MAP3K11: variants seen among roughly 807,000 people sequenced by gnomAD.
The protein encoded by MAP3K11 is mitogen-activated protein kinase kinase kinase 11.
MAP3K11 carries 46 observed loss-of-function variants against 84.9 expected under a neutral mutation model. That is an observed-to-expected ratio of 0.54 (90% CI 0.43 to 0.69). MAP3K11 has a LOEUF of 0.69. Among genes scored for constraint, MAP3K11 ranks in the 30% least tolerant of loss-of-function variants. The probability of loss-of-function intolerance (pLI) is 0.00; values close to 1 mark genes in which losing one functional copy is unlikely to be tolerated. For synonymous variants in MAP3K11, 527 were observed against 514.7 expected (o/e 1.02, Z -0.32); for missense variants, 1,053 against 1,198.3 (o/e 0.88, Z 1.79).
At chr11:65,600,929 C>T (rs1461631815) in intron 8 of MAP3K11, among the ~76,000 whole-genome samples, 1 of 152,214 alleles carries the variant, frequency 6.6e-6, no homozygotes, top group Non-Finnish European at 1.5e-5. Flanking sequence ...TCAGCCCCAA[C>T]CCTTACTCAG....
At position 65,613,847 on chromosome 11, in the gene MAP3K11, A is replaced by ACCTGGGCATCCGGGC; in HGVS notation, c.-106_-92dup. The ACCTGGGCATCCGGGC allele has an allele frequency of 7.2e-7, 1 of 1,383,212 alleles. No homozygotes were observed. Among genetic ancestry groups the ACCTGGGCATCCGGGC allele is most frequent in the South Asian group, 1.5e-5 (1 of 67,322 alleles). 85.7% of individuals were successfully genotyped at this position (1,383,212 alleles called of 1,614,324 possible). A position where few individuals can be genotyped will look rare whatever the true frequency, so the allele number is the denominator to read the frequency against. ...TGGCTGCCAAGGCCCTAGTCCCGGA[A>ACCTGGGCATCCGGGC]CCTGGGCATCCGGGCCCTGGCCCTC... On this transcript the variant is annotated 5_prime_UTR_variant, in exon 1 of 10. The change creates a new upstream start codon in the 5' untranslated region. Coordinates refer to ENST00000309100, the MANE Select transcript of MAP3K11 (RefSeq NM_002419.4).
At position 65,613,348 on chromosome 11, in the gene MAP3K11, G is replaced by A. The variant is rs1434610251; in HGVS notation, c.409C>T (p.Arg137Ter). The A allele has an allele frequency of 1.2e-6, 2 of 1,612,958 alleles. No homozygotes were observed. Among genetic ancestry groups the A allele is most frequent in the East Asian group, 2.2e-5 (1 of 44,868 alleles). Residue 137 changes from arginine to a stop codon, truncating the protein, a stop_gained, in exon 1 of 10, where the codon CGA (arginine) becomes TGA (stop). Coordinates refer to ENST00000309100, the MANE Select transcript of MAP3K11 (RefSeq NM_002419.4). LOFTEE classifies it high-confidence loss of function. ...GFGKVYRGSW[R>*]GELVAVKAAR... ...GCCTTCACAGCCACCAGCTCACCTC[G>A]CCAGCTGCCCCTGTACACCTTGCCA... is the stretch of plus-strand genomic sequence containing the variant.
In MAP3K11 at chr11:65,613,470, G is replaced by A. The variant is rs763812821; in HGVS notation, c.287C>T (p.Pro96Leu). The change falls in exon 1 of 10, where the codon CCG (proline) becomes CTG (leucine). Residue 96 changes from proline to leucine, a missense_variant. Transcript: ENST00000309100. ...GCCACCCCGAGACACATAGTTGGAC[G>A]GGAAGATGCCCACCTGGCCACCCAC... ...GQVGGQVGIF[P>L]SNYVSRGGGP... is the part of the protein sequence containing the mutation. 2.0e-5 allele frequency: 32 copies of A among 1,612,066 alleles called. No homozygotes were observed. Among genetic ancestry groups the A allele is most frequent in the Non-Finnish European group, 2.4e-5 (28 of 1,179,310 alleles).
chr11:65,608,637 G>C lies in MAP3K11; in HGVS notation c.740-189C>G, dbSNP rs1854540316. The stretch of plus-strand genomic sequence containing the variant: ...TCTTTTCCTTTTTTTTTTTTCTTAA[G>C]ATAGAGTTTTGCTCTTGTTGCCCAG... On this transcript the variant is annotated intron_variant, in intron 1 of 9. Coordinates refer to ENST00000309100, the MANE Select transcript of MAP3K11 (RefSeq NM_002419.4). 3 of 581,274 alleles carry C rather than the reference G, an allele frequency of 5.2e-6. No individual in the cohort carries two copies. In the South Asian group the frequency reaches 6.4e-5, roughly 12 times the overall value. The allele number at this position is 581,274 out of a possible 1,614,324, so 36.0% of individuals were successfully genotyped here.
Position 65,598,180 on chromosome 11 carries a change from G to T in MAP3K11, c.*111C>A. On this transcript the variant is annotated 3_prime_UTR_variant, in exon 10 of 10. Transcript: ENST00000309100. ...GTGTTCCTGACCCCCAAAGGGGGGT[G>T]GGGTCCCTGGGGAAACTGAGGCAGC... is the stretch of plus-strand genomic sequence containing the variant. The T allele has an allele frequency of 1.1e-6, 1 of 910,748 alleles. No individual in the cohort carries two copies. The allele number at this position is 910,748 out of a possible 1,614,324, so 56.4% of individuals were successfully genotyped here.
intron 7 of MAP3K11, 39 bp downstream of exon 7, chr11:65,605,907 G>A: frequency 6.2e-7 from 1 of 1,611,064 alleles, no homozygotes; most frequent in Non-Finnish European, 8.5e-7. Context: ...CTTGGGGAAA[G>A]CAAATGATGC....
intron 6 of MAP3K11, 61 bp downstream of exon 6, chr11:65,606,630 G>T: frequency 7.9e-7 from 1 of 1,267,266 alleles, no homozygotes; most frequent in Non-Finnish European, 1.1e-6. Context: ...CCAAGAATAA[G>T]GTCTGACAGA....
intron 1 of MAP3K11, 27 bp downstream of exon 1, chr11:65,612,991 C>T: frequency 6.6e-7 from 1 of 1,516,466 alleles, no homozygotes; most frequent in South Asian, 1.3e-5. Flanking sequence ...AGCCATGCCA[C>T]CCCCAACCAT....
chr11:65,613,135 G>A lies in MAP3K11; in HGVS notation c.622C>T (p.Arg208Trp), dbSNP rs890154327. The A allele has an allele frequency of 4.4e-6, 7 of 1,589,424 alleles. No individual in the cohort carries two copies. The highest frequency in any genetic ancestry group is 4.3e-6 in the Non-Finnish European group (5 of 1,167,456). The part of the protein sequence containing the change: ...GGPLSRALAG[R>W]RVPPHVLVNW... The stretch of plus-strand genomic sequence containing the variant: ...ACCAGCACATGGGGAGGCACGCGCC[G>A]CCCGGCCAGAGCTCGGCTGAGGGGC... Residue 208 changes from arginine to tryptophan, a missense_variant, in exon 1 of 10, where the codon CGG (arginine) becomes TGG (tryptophan). Physicochemically the swap from Arg to Trp is moderately radical, Grantham distance 101. Transcript: ENST00000309100.
chr11:65,598,002 C>T lies in MAP3K11; in HGVS notation c.*289G>A, dbSNP rs146831477. 13 of 342,754 alleles carry T rather than the reference C, an allele frequency of 3.8e-5. No homozygotes were observed. Among genetic ancestry groups the T allele is most frequent in the Non-Finnish European group, 6.3e-5 (12 of 189,754 alleles). 21.2% of individuals were successfully genotyped at this position (342,754 alleles called of 1,614,324 possible). On this transcript the variant is annotated 3_prime_UTR_variant, in exon 10 of 10. Coordinates refer to ENST00000309100, the MANE Select transcript of MAP3K11 (RefSeq NM_002419.4). ...ACCTCCCCTCCTCCCTGCATCACCC[C>T]AGCAGGCAATTCCCTGAGACAGGCT...
At position 65,598,434 on chromosome 11, in the gene MAP3K11, C is replaced by T; in HGVS notation, c.2401G>A (p.Ala801Thr). 6.2e-7 allele frequency: 1 copy of T among 1,605,886 alleles called. No individual in the cohort carries two copies. The highest frequency in any genetic ancestry group is 8.5e-7 in the Non-Finnish European group (1 of 1,175,482). ...GAGTCCGGGAACAAGGTCCAGGGTG[C>T]TCGGCGGGGTGCAGGCTGTGGTGAT... ...LPSPQPAPRR[A>T]PWTLFPDSDP... The change falls in exon 10 of 10, where the codon GCA becomes ACA. Residue 801 changes from alanine to threonine, a missense_variant. Physicochemically the swap from Ala to Thr is moderately conservative, Grantham distance 58. Coordinates refer to ENST00000309100, the MANE Select transcript of MAP3K11 (RefSeq NM_002419.4).
In MAP3K11 at chr11:65,613,067, G is replaced by A; in HGVS notation, c.690C>T (p.His230=). The A allele has an allele frequency of 6.5e-7, 1 of 1,530,534 alleles. No homozygotes were observed. The highest frequency in any genetic ancestry group is 8.8e-7 in the Non-Finnish European group (1 of 1,139,080). 94.8% of individuals were successfully genotyped at this position (1,530,534 alleles called of 1,614,324 possible). ...VQIARGMHYL[H]CEALVPVIHR... is the part of the protein sequence containing the mutation. ...GGATGACGGGCACCAGGGCCTCGCA[G>A]TGCAGGTAGTGCATCCCACGGGCAA... The change falls in exon 1 of 10, where the codon CAC becomes CAT. Residue 230 remains histidine (H), a synonymous_variant. Transcript: ENST00000309100.
At chr11:65,600,210 C>G (rs532546070) in intron 8 of MAP3K11, among the ~76,000 whole-genome samples, 1 of 152,216 alleles carries the variant, frequency 6.6e-6, no homozygotes, top group African/African-American at 2.4e-5. Flanking sequence ...CACCCACCCC[C>G]GCTCCAGCTG....
At chr11:65,605,735 C>T (rs780700147) in intron 8 of MAP3K11, 26 bp downstream of exon 8, 94 of 1,569,960 alleles carry the variant, frequency 6.0e-5, no homozygotes, top group Non-Finnish European at 7.8e-5. Context: ...TCAGCCAGAT[C>T]CTGCCGGGGG....
At chr11:65,607,007 G>A (rs950085270) in intron 5 of MAP3K11, 2 of 587,432 alleles carry the variant, frequency 3.4e-6, no homozygotes, top group Non-Finnish European at 2.8e-6. Flanking sequence ...ATGCCCTGGC[G>A]CCGGCCGGCC....
At chr11:65,611,022 C>T (rs1356939422) in intron 1 of MAP3K11, 3 of 152,328 alleles carry the variant, frequency 2.0e-5, no homozygotes, top group Non-Finnish European at 1.5e-5. Flanking sequence ...CCAGAGACCC[C>T]GAAACTGGGG....
intron 7 of MAP3K11, 25 bp from the exon 8 acceptor site, chr11:65,605,877 G>A: frequency 6.2e-7 from 1 of 1,612,796 alleles, no homozygotes; most frequent in South Asian, 1.1e-5. Flanking sequence ...GCAAGGAGGG[G>A]TGCTTTAGGA....
Position 65,605,841 on chromosome 11 carries a change from C to A in MAP3K11, c.1751G>T (p.Arg584Leu), listed in dbSNP as rs144864133. Residue 584 changes from arginine to leucine, a missense_variant, in exon 8 of 10, where the codon CGC becomes CTC. Around this residue, in one of 3 missense-constraint regions of MAP3K11, gnomAD observed 583 missense variants for 566.6 expected, o/e 1.03. Transcript: ENST00000309100. ...GEAQNGRRRS[R>L]MDEATWYLDS... ...CAGGTACCATGTGGCTTCGTCCATG[C>A]GGGACCTTCTCCTGGTGATGGGAGG... 4.3e-6 allele frequency: 7 copies of A among 1,612,974 alleles called. No individual in the cohort carries two copies. Among genetic ancestry groups the A allele is most frequent in the Non-Finnish European group, 5.9e-6 (7 of 1,179,508 alleles).
intron 2 of MAP3K11, 59 bp from the exon 3 acceptor site, chr11:65,608,129 T>C: frequency 6.2e-7 from 1 of 1,600,922 alleles, no homozygotes; most frequent in Non-Finnish European, 8.6e-7. Flanking sequence ...ACCCCCTTAC[T>C]GCCACTTCAC....
Sources: allele counts gnomAD v4.1 joint callset (sites outside exome capture counted in the v4.1 genomes callset), GRCh38; gene constraint gnomAD v4.1.1; regional missense constraint gnomAD v4.1.1; transcripts MANE v1.5; gene names NCBI Gene and HGNC (gene_info 2026-07-23, HGNC 2026-07-21).